GYG2: variants seen among roughly 807,000 people sequenced by gnomAD.
GYG2 encodes the protein glycogenin-2.
In GYG2, 29 loss-of-function variants were observed where a neutral mutation model predicts 29.4. That is an observed-to-expected ratio of 0.99 (90% CI 0.74 to 1.35). The LOEUF is 1.35. Ranked by LOEUF, GYG2 falls within the 40% of genes most tolerant of loss-of-function variation. GYG2 has a pLI of 0.00. For synonymous variants in GYG2, 167 were observed against 172.3 expected (o/e 0.97, Z 0.24); for missense variants, 370 against 385.7 (o/e 0.96, Z 0.34).
chrX:2,844,654 A>G (rs2087602120), intron 3 of GYG2, among the ~76,000 whole-genome samples: 1 of 17,723 alleles, frequency 5.6e-5, no homozygotes, highest in Non-Finnish European at 8.5e-5. Flanking sequence ...GTATACGCAC[A>G]CGCATGCGTA....
Position 2,843,347 on chromosome X carries a change from C to G in GYG2, c.142C>G (p.Leu48Val), listed in dbSNP as rs754563698. 9 of 1,196,336 alleles carry G rather than the reference C, an allele frequency of 7.5e-6. No homozygotes were observed. Among genetic ancestry groups the G allele is most frequent in the Non-Finnish European group, 1.0e-5 (9 of 885,981 alleles). Residue 48 changes from leucine to valine, a missense_variant, in exon 3 of 11, where the codon CTG (leucine) becomes GTG (valine). Leu to Val is a conservative substitution (Grantham distance 32). Coordinates refer to ENST00000398806, the MANE Select transcript of GYG2 (RefSeq NM_001079855.2). ...VVLITPQVSS[L>V]LRVILSKVFD... ...GTTGATCACTCCTCAGGTGTCCAGC[C>G]TGCTCAGGTAAGGCTCAGAGATGCG...
At chrX:2,857,862 AT>A (rs1233569015) in intron 6 of GYG2, among the ~76,000 whole-genome samples, 2 of 110,279 alleles carry the variant, frequency 1.8e-5, no homozygotes. Flanking sequence ...TGAAGATGTG[AT>A]TTTTTTCCCT....
rs768468539 is a variant in GYG2, at chrX:2,843,237, T to C, written c.32T>C (p.Leu11Pro). MSVTDQAFVT[L>P]ATNDIYCQGA... ...GTGACTGATCAGGCTTTTGTCACAC[T>C]AGCCACCAATGACATCTACTGCCAG... Residue 11 changes from leucine (L) to proline (P), a missense_variant, in exon 3 of 11, where the codon CTA becomes CCA. Coordinates refer to ENST00000398806, the MANE Select transcript of GYG2 (RefSeq NM_001079855.2). 2.7e-5 allele frequency: 32 copies of C among 1,202,216 alleles called. No individual in the cohort carries two copies. Among genetic ancestry groups the C allele is most frequent in the Non-Finnish European group, 4.5e-6 (4 of 888,285 alleles).
At chrX:2,835,870 T>G (rs2087361066) in intron 2 of GYG2, among the ~76,000 whole-genome samples, 1 of 110,888 alleles carries the variant, frequency 9.0e-6, no homozygotes, top group Non-Finnish European at 1.9e-5. Flanking sequence ...GTAAGCAAAA[T>G]GAGCACAGCA....
At position 2,882,311 on chromosome X, in the gene GYG2, T is replaced by C. The variant is rs933722188; in HGVS notation, c.*1098T>C. 9 of 110,536 alleles carry C rather than the reference T, an allele frequency of 8.1e-5. No homozygotes were observed. Among genetic ancestry groups the C allele is most frequent in the African/African-American group, 3.0e-4 (9 of 30,287 alleles). The allele number at this position is 110,536 out of a possible 1,213,427, so 9.1% of individuals were successfully genotyped here. ...AAATGTTTGGAAGGTTTATTTCTCA[T>C]GCACATTCCAGGGAAAAGCAGAGAG... is the stretch of plus-strand genomic sequence containing the variant. On this transcript the variant is annotated 3_prime_UTR_variant, in exon 11 of 11. Coordinates refer to ENST00000398806, the MANE Select transcript of GYG2 (RefSeq NM_001079855.2).
intron 3 of GYG2, among the ~76,000 whole-genome samples, chrX:2,844,548 A>G (rs1337545082): frequency 2.7e-5 from 2 of 74,919 alleles, no homozygotes; most frequent in South Asian, 1.5e-3. Flanking sequence ...GTGTATACGC[A>G]CACGCATGCG....
rs138434602 is a variant in GYG2 at position 2,871,344 on chromosome X, T to G, written c.1039-4466T>G. Among the ~76,000 whole-genome samples, 656 of 107,765 alleles carry G rather than the reference T, an allele frequency of 6.1e-3. 2 individuals carry two copies. Among genetic ancestry groups the G allele is most frequent in the Non-Finnish European group, 0.01 (541 of 52,082 alleles). The allele number at this position is 107,765 out of a possible 115,157, so 93.6% of individuals were successfully genotyped here. ...CCTCTTCTGTTTGTCTCTGGTATCTTCACTCTTAATTTTGTGCTGCCTTAG... is the reference window on the plus strand; with the variant it reads ...CCTCTTCTGTTTGTCTCTGGTATCTGCACTCTTAATTTTGTGCTGCCTTAG... On this transcript the variant is annotated intron_variant, in intron 8 of 10. Coordinates refer to ENST00000398806, the MANE Select transcript of GYG2 (RefSeq NM_001079855.2).
chrX:2,854,380 C>T (rs1215675884), intron 4 of GYG2, among the ~76,000 whole-genome samples: 1 of 112,119 alleles, frequency 8.9e-6, no homozygotes, highest in Non-Finnish European at 1.9e-5. Flanking sequence ...CGCCTTCATG[C>T]CCGGTTAATT....
chrX:2,882,267 G>A lies in GYG2; in HGVS notation c.*1054G>A, dbSNP rs1275819726. Reference sequence around the variant, plus strand: ...AAAAATGGGCATGGTTGTAATAAAGGAGGAAAGTGCGACTTTTGAAATGTT... The same window carrying A: ...AAAAATGGGCATGGTTGTAATAAAGAAGGAAAGTGCGACTTTTGAAATGTT... On this transcript the variant is annotated 3_prime_UTR_variant, in exon 11 of 11. Coordinates refer to ENST00000398806, the MANE Select transcript of GYG2 (RefSeq NM_001079855.2). The A allele has an allele frequency of 9.1e-6, 1 of 110,470 alleles. No homozygotes were observed. Among genetic ancestry groups the A allele is most frequent in the East Asian group, 2.8e-4 (1 of 3,534 alleles). 9.1% of individuals were successfully genotyped at this position (110,470 alleles called of 1,213,427 possible). A position where few individuals can be genotyped will look rare whatever the true frequency, so the allele number is the denominator to read the frequency against.
At chrX:2,846,374 C>T (rs2087738562) in intron 3 of GYG2, among the ~76,000 whole-genome samples, 1 of 107,442 alleles carries the variant, frequency 9.3e-6, no homozygotes, top group African/African-American at 3.4e-5. Flanking sequence ...CGTGCCCAGC[C>T]CCAAATATTT....
intron 2 of GYG2, among the ~76,000 whole-genome samples, chrX:2,835,032 G>T (rs766704542): frequency 1.8e-5 from 2 of 111,621 alleles, no homozygotes; most frequent in Admixed American, 9.5e-5. Flanking sequence ...TGAGACATCA[G>T]TCAATACATG....
chrX:2,838,246 C>G (rs1480609983), intron 2 of GYG2, among the ~76,000 whole-genome samples: 1 of 110,996 alleles, frequency 9.0e-6, no homozygotes, highest in Non-Finnish European at 1.9e-5. Context: ...TTTTAGTGTC[C>G]ACTATTCATG....
At position 2,830,134 on chromosome X, in the gene GYG2, T is replaced by A. The variant is rs1196389615; in HGVS notation, c.-55T>A. ...GTTCGTGGCGAGGAAGTCCACCCACTGCTCCCGGGCGCAGGTCTGCAGGTC... is the reference window on the plus strand; with the variant it reads ...GTTCGTGGCGAGGAAGTCCACCCACAGCTCCCGGGCGCAGGTCTGCAGGTC... On this transcript the variant is annotated 5_prime_UTR_variant, in exon 2 of 11. Coordinates refer to ENST00000398806, the MANE Select transcript of GYG2 (RefSeq NM_001079855.2). The A allele has an allele frequency of 1.3e-5, 15 of 1,178,540 alleles. No individual in the cohort carries two copies. The highest frequency in any genetic ancestry group is 1.6e-5 in the Non-Finnish European group (14 of 867,009).
intron 10 of GYG2, among the ~76,000 whole-genome samples, chrX:2,879,667 T>C (rs1264231968): frequency 8.9e-6 from 1 of 112,308 alleles, no homozygotes; most frequent in Non-Finnish European, 1.9e-5. Context: ...AGGTAGTAGA[T>C]AGAGATGATA....
chrX:2,866,825 A>T (rs1410654943), intron 8 of GYG2, among the ~76,000 whole-genome samples: 1 of 63,448 alleles, frequency 1.6e-5, no homozygotes, highest in Non-Finnish European at 3.8e-5. Context: ...TAAAAAGTAA[A>T]TTTTTTTTTT....
chrX:2,852,450 C>T (rs939035561), intron 3 of GYG2, among the ~76,000 whole-genome samples: 1 of 111,359 alleles, frequency 9.0e-6, no homozygotes, highest in East Asian at 2.8e-4. Flanking sequence ...CAATATGTTC[C>T]AGACTATGAT....
intron 2 of GYG2, among the ~76,000 whole-genome samples, chrX:2,842,557 C>G (rs920559401): frequency 2.7e-5 from 3 of 111,053 alleles, no homozygotes; most frequent in African/African-American, 9.8e-5. Context: ...ATCAAGCCAT[C>G]ACTTCCACTT....
chrX:2,842,591 A>T (rs1466615497), intron 2 of GYG2, among the ~76,000 whole-genome samples: 1 of 110,806 alleles, frequency 9.0e-6, no homozygotes, highest in Admixed American at 9.7e-5. Context: ...TTCACCTAAG[A>T]TCTAAACACT....
intron 8 of GYG2, among the ~76,000 whole-genome samples, chrX:2,862,345 A>T (rs1333786289): frequency 9.0e-6 from 1 of 111,495 alleles, no homozygotes; most frequent in Non-Finnish European, 1.9e-5. Context: ...CTTGGTGTAA[A>T]CCACCCAGTT....
Sources: allele counts gnomAD v4.1 joint callset (sites outside exome capture counted in the v4.1 genomes callset), GRCh38; gene constraint gnomAD v4.1.1; transcripts MANE v1.5; gene names NCBI Gene and HGNC (gene_info 2026-07-23, HGNC 2026-07-21).